MAGEB3: variants seen among roughly 807,000 people sequenced by gnomAD.
The protein encoded by MAGEB3 is MAGE family member B3.
For missense variants in MAGEB3, 191 were observed against 262.4 expected (o/e 0.73, Z 1.88); for synonymous variants, 91 against 93.0 (o/e 0.98, Z 0.12).
intron 4 of MAGEB3, 58 bp from the exon 5 acceptor site, chrX:30,235,806 C>T: frequency 3.8e-6 from 2 of 526,737 alleles, no homozygotes; most frequent in Non-Finnish European, 3.1e-6. Flanking sequence ...CTTTTAAATC[C>T]AAAGTGGTAC....
rs2147339290 is a variant in MAGEB3, at chrX:30,236,437, T to G, written c.513T>G (p.Val171=). 1 of 1,211,677 alleles carries G rather than the reference T, an allele frequency of 8.3e-7. No individual in the cohort carries two copies. The highest frequency in any genetic ancestry group is 3.0e-5 in the East Asian group (1 of 33,830). ...EVVFGVDLKK[V]DSTKDSYVLV... ...TATTTGGTGTTGATTTAAAGAAAGTTGATTCTACCAAGGACTCCTATGTCC... is the reference window on the plus strand; with the variant it reads ...TATTTGGTGTTGATTTAAAGAAAGTGGATTCTACCAAGGACTCCTATGTCC... Residue 171 remains valine (V), a synonymous_variant, in exon 5 of 5, where the codon GTT becomes GTG. Coordinates refer to ENST00000361644, the MANE Select transcript of MAGEB3 (RefSeq NM_002365.5).
At position 30,231,595 on chromosome X, in the gene MAGEB3, G is replaced by A. The variant is rs1375948089; in HGVS notation, c.-277G>A. Reference sequence around the variant, plus strand: ...CCTCATCGCTTAAGCACAGGAGTTCGAGGACTGGGAGGTGGAGGTTGTGGT... The same window carrying A: ...CCTCATCGCTTAAGCACAGGAGTTCAAGGACTGGGAGGTGGAGGTTGTGGT... On this transcript the variant is annotated 5_prime_UTR_variant, in exon 2 of 5. Transcript: ENST00000361644. The A allele has an allele frequency of 1.1e-5, 1 of 95,170 alleles. No homozygotes were observed. Among genetic ancestry groups the A allele is most frequent in the African/African-American group, 3.9e-5 (1 of 25,567 alleles). The allele number at this position is 95,170 out of a possible 1,213,427, so 7.8% of individuals were successfully genotyped here.
At chrX:30,235,203 G>A (rs190896670) in intron 4 of MAGEB3, among the ~76,000 whole-genome samples, 2 of 111,536 alleles carry the variant, frequency 1.8e-5, no homozygotes, top group Non-Finnish European at 3.8e-5. Flanking sequence ...CACTTGCAGC[G>A]CTGATGAGGC....
At chrX:30,233,734 C>T (rs773883077) in intron 4 of MAGEB3, among the ~76,000 whole-genome samples, 3 of 111,954 alleles carry the variant, frequency 2.7e-5, no homozygotes, top group Non-Finnish European at 3.8e-5. Flanking sequence ...GCGTGTCACC[C>T]CCTGCTGTCA....
At chrX:30,233,436 A>AAAAGAAAG (rs1253894423) in intron 4 of MAGEB3, 73 bp downstream of exon 4, 1 of 79,905 alleles carries the variant, frequency 1.3e-5, no homozygotes, top group Non-Finnish European at 2.4e-5. Flanking sequence ...AAAAAAAAAA[A>AAAAGAAAG]AAAGAAAGAA....
chrX:30,231,699 A>AAAAAAAAAG (rs762516091), intron 2 of MAGEB3, 81 bp downstream of exon 2: 1 of 69,296 alleles, frequency 1.4e-5, no homozygotes, highest in Non-Finnish European at 2.8e-5. Flanking sequence ...AAAAAAAAAA[A>AAAAAAAAAG]AAAGAAAGAA....
At chrX:30,235,211 G>A (rs1195463204) in intron 4 of MAGEB3, among the ~76,000 whole-genome samples, 1 of 111,674 alleles carries the variant, frequency 9.0e-6, no homozygotes, top group African/African-American at 3.3e-5. Context: ...GCGCTGATGA[G>A]GCTGGGCATG....
At position 30,235,936 on chromosome X, in the gene MAGEB3, T is replaced by G. The variant is rs1924963255; in HGVS notation, c.12T>G (p.Gly4=). The change falls in exon 5 of 5, where the codon GGT becomes GGG. Residue 4 remains glycine, a synonymous_variant. Transcript: ENST00000361644. MPR[G]QKSTLHAREK... ...TGACTACAGCCATCATGCCTCGGGGTCAGAAGAGTACGCTCCATGCACGTG... is the reference window on the plus strand; with the variant it reads ...TGACTACAGCCATCATGCCTCGGGGGCAGAAGAGTACGCTCCATGCACGTG... 1 of 1,198,013 alleles carries G rather than the reference T, an allele frequency of 8.3e-7. No individual in the cohort carries two copies. The highest frequency in any genetic ancestry group is 1.8e-5 in the South Asian group (1 of 54,117).
Position 30,236,602 on chromosome X carries a change from C to T in MAGEB3, c.678C>T (p.Phe226=), listed in dbSNP as rs760845552. 4 of 1,210,802 alleles carry T rather than the reference C, an allele frequency of 3.3e-6. No homozygotes were observed. In the Admixed American group the frequency reaches 8.7e-5, roughly 26 times the overall value. The change falls in exon 5 of 5, where the codon TTC becomes TTT. Residue 226 remains phenylalanine (F), a synonymous_variant. Coordinates refer to ENST00000361644, the MANE Select transcript of MAGEB3 (RefSeq NM_002365.5). ...CCACTGAGGAGAAGATCTGGGAATT[C>T]CTGAATAAGATGAGAATATATGATG... ...NCATEEKIWE[F]LNKMRIYDGK... is the part of the protein sequence containing the mutation.
chrX:30,237,436 G>A lies in MAGEB3; in HGVS notation c.*471G>A, dbSNP rs995448646. 7 of 124,951 alleles carry A rather than the reference G, an allele frequency of 5.6e-5. No individual in the cohort carries two copies. The highest frequency in any genetic ancestry group is 2.3e-4 in the African/African-American group (7 of 30,841). 10.3% of individuals were successfully genotyped at this position (124,951 alleles called of 1,213,427 possible). On this transcript the variant is annotated 3_prime_UTR_variant, in exon 5 of 5. Coordinates refer to ENST00000361644, the MANE Select transcript of MAGEB3 (RefSeq NM_002365.5). ...AAATGAAAGATAAATAACCATATAT[G>A]TCTGGCTTACTTAAGAATGTAGAAT...
At position 30,230,812 on chromosome X, in the gene MAGEB3, T is replaced by A. The variant is rs1299875018; in HGVS notation, c.-361T>A. 2 of 111,352 alleles carry A rather than the reference T, an allele frequency of 1.8e-5. No homozygotes were observed. Among genetic ancestry groups the A allele is most frequent in the East Asian group, 5.7e-4 (2 of 3,528 alleles). 9.2% of individuals were successfully genotyped at this position (111,352 alleles called of 1,213,427 possible). ...GGACTGGCCAGCAGCGAAGTGAGGT[T>A]CTTGAGTGAGTAAAAAAGGGAAAAC... On this transcript the variant is annotated 5_prime_UTR_variant, in exon 1 of 5. Coordinates refer to ENST00000361644, the MANE Select transcript of MAGEB3 (RefSeq NM_002365.5).
chrX:30,233,696 C>A (rs1468902799), intron 4 of MAGEB3, among the ~76,000 whole-genome samples: 2 of 111,331 alleles, frequency 1.8e-5, no homozygotes, highest in Non-Finnish European at 3.8e-5. Flanking sequence ...GACCTAGGGA[C>A]CACTGACTCC....
chrX:30,231,154 CA>C (rs753383524), intron 1 of MAGEB3, among the ~76,000 whole-genome samples: 34,830 of 86,902 alleles, frequency 0.4, 6,138 homozygotes, highest in African/African-American at 0.44. Flanking sequence ...CCTGTCTCTA[CA>C]AAAAAAAAAA....
intron 2 of MAGEB3, among the ~76,000 whole-genome samples, chrX:30,232,211 TA>T (rs1288246365): frequency 1.8e-5 from 2 of 111,421 alleles, no homozygotes; most frequent in Non-Finnish European, 3.8e-5. Flanking sequence ...TAGGCGGAAC[TA>T]TAAAACTGGC....
chrX:30,232,097 C>G (rs184916010), intron 2 of MAGEB3, among the ~76,000 whole-genome samples: 233 of 112,121 alleles, frequency 2.1e-3, no homozygotes, highest in African/African-American at 7.2e-3. Flanking sequence ...TAGCTTCAGT[C>G]AGGTTCGTGG....
At chrX:30,232,632 G>A (rs1441257348) in intron 2 of MAGEB3, among the ~76,000 whole-genome samples, 195 bp from the exon 3 acceptor site, 3 of 101,393 alleles carry the variant, frequency 3.0e-5, no homozygotes, top group Non-Finnish European at 4.0e-5. Context: ...AATTAGCCGG[G>A]CGTGGTGCGG....
At chrX:30,230,879 T>C (rs1924758498) in intron 1 of MAGEB3, 62 bp downstream of exon 1, 1 of 111,699 alleles carries the variant, frequency 9.0e-6, no homozygotes, top group Admixed American at 9.5e-5. Context: ...CCAATCCATA[T>C]TTTTAACCCT....
chrX:30,235,912 G>A lies in MAGEB3; in HGVS notation c.-13G>A, dbSNP rs376932552. 12 of 1,175,783 alleles carry A rather than the reference G, an allele frequency of 1.0e-5. No homozygotes were observed. Among genetic ancestry groups the A allele is most frequent in the Non-Finnish European group, 1.4e-5 (12 of 875,612 alleles). On this transcript the variant is annotated 5_prime_UTR_variant, in exon 5 of 5. An upstream open reading frame in the 5' UTR loses its in-frame stop. Transcript: ENST00000361644. Reference sequence around the variant, plus strand: ...GCTGACACTCCTGCCTGCTGTTCCTGACTACAGCCATCATGCCTCGGGGTC... The same window carrying A: ...GCTGACACTCCTGCCTGCTGTTCCTAACTACAGCCATCATGCCTCGGGGTC...
At chrX:30,231,993 C>T (rs1924809416) in intron 2 of MAGEB3, among the ~76,000 whole-genome samples, 1 of 112,168 alleles carries the variant, frequency 8.9e-6, no homozygotes, top group Non-Finnish European at 1.9e-5. Flanking sequence ...CCCAGCGTGT[C>T]ACCCGCTGCT....
Sources: allele counts gnomAD v4.1 joint callset (sites outside exome capture counted in the v4.1 genomes callset), GRCh38; gene constraint gnomAD v4.1.1; transcripts MANE v1.5; gene names NCBI Gene and HGNC (gene_info 2026-07-23, HGNC 2026-07-21).